Variants in ANK2 observed in about 807,000 individuals in gnomAD.
ANK2 encodes ankyrin-2.
ANK2 carries 83 observed loss-of-function variants against 360.5 expected under a neutral mutation model. The ratio of observed to expected loss-of-function variants is 0.23; its 90% confidence interval spans 0.19 to 0.28. The LOEUF (loss-of-function observed/expected upper bound fraction) is 0.28. ANK2 is among the 10% of genes least tolerant of loss of function. ANK2 has a pLI of 1.00. For synonymous variants in ANK2, 1,740 were observed against 1,759.5 expected (o/e 0.99, Z 0.28); for missense variants, 4,201 against 4,795.7 (o/e 0.88, Z 3.66).
chr4:113,322,392 C>T (rs2086780401), intron 26 of ANK2, among the ~76,000 whole-genome samples: 1 of 152,180 alleles, frequency 6.6e-6, no homozygotes, highest in Admixed American at 6.5e-5. Context: ...TTCACAATGA[C>T]TCTAATCAAC....
the ANK2 span, among the ~76,000 whole-genome samples, chr4:112,711,127 T>C: frequency 2.6e-5 from 4 of 151,120 alleles, no homozygotes; most frequent in South Asian, 8.3e-4. Context: ...TTCTTTCTTT[T>C]TTTTTCTCTT....
At chr4:112,788,609 T>C in the ANK2 span, 1 of 1,597,430 alleles carries the variant, frequency 6.3e-7, no homozygotes, top group Non-Finnish European at 8.5e-7. Context: ...GAGTAGCTGT[T>C]TGGCGGTCCA....
intron 1 of ANK2, among the ~76,000 whole-genome samples, chr4:113,167,781 G>A (rs114573319): frequency 0.013 from 1,996 of 152,154 alleles, 38 homozygotes; most frequent in African/African-American, 0.045. Context: ...GATTGTTTCC[G>A]AAACTACTAC....
intron 26 of ANK2, among the ~76,000 whole-genome samples, chr4:113,326,659 T>C (rs2090121087): frequency 6.6e-6 from 1 of 152,204 alleles, no homozygotes; most frequent in South Asian, 2.1e-4. Context: ...TTGGTTTGTG[T>C]TTCTTCCTTT....
chr4:112,844,235 A>T (rs2062793036), intron 1 of ANK2, among the ~76,000 whole-genome samples: 1 of 152,214 alleles, frequency 6.6e-6, no homozygotes, highest in Non-Finnish European at 1.5e-5. Flanking sequence ...TGGTGTGAAG[A>T]GGGCCTTAGC....
chr4:113,034,900 A>T (rs1161211165), intron 2 of ANK2: 1 of 151,944 alleles, frequency 6.6e-6, no homozygotes, highest in Non-Finnish European at 1.5e-5. Flanking sequence ...TATAATTGAA[A>T]ACTGTTTTGC....
chr4:113,381,504 A>T lies in ANK2; in HGVS notation c.*33A>T. ...ACACAGAAGAGGGCTGTGGTGAAGG[A>T]CCAGCATGGAAAACGCATTGACTTG... On this transcript the variant is annotated 3_prime_UTR_variant, in exon 46 of 46. Coordinates refer to ENST00000357077, the MANE Select transcript of ANK2 (RefSeq NM_001148.6). 1 of 1,614,070 alleles carries T rather than the reference A, an allele frequency of 6.2e-7. No individual in the cohort carries two copies. The highest frequency in any genetic ancestry group is 8.5e-7 in the Non-Finnish European group (1 of 1,179,992).
chr4:113,003,615 A>T (rs1481282411), intron 2 of ANK2, among the ~76,000 whole-genome samples: 1 of 152,256 alleles, frequency 6.6e-6, no homozygotes, highest in African/African-American at 2.4e-5. Context: ...GATCAAGGTG[A>T]CATCCCAAGT....
At chr4:112,836,284 G>T (rs1217162779) in intron 1 of ANK2, among the ~76,000 whole-genome samples, 1 of 152,076 alleles carries the variant, frequency 6.6e-6, no homozygotes, top group Non-Finnish European at 1.5e-5. Context: ...TTCCCCTTCT[G>T]CCATGATTGT....
At chr4:112,793,026 G>A in the ANK2 span, among the ~76,000 whole-genome samples, 6 of 151,658 alleles carry the variant, frequency 4.0e-5, no homozygotes, top group East Asian at 3.9e-4. Context: ...AATTCCTTTC[G>A]ATCCAAAATT....
Position 113,356,693 on chromosome 4 carries a change from C to T in ANK2, c.8075C>T (p.Pro2692Leu). Residue 2692 changes from proline (P) to leucine (L), a missense_variant, in exon 38 of 46, where the codon CCT (proline) becomes CTT (leucine). Physicochemically the swap from Pro to Leu is moderately conservative, Grantham distance 98. Coordinates refer to ENST00000357077, the MANE Select transcript of ANK2 (RefSeq NM_001148.6). ...LPEPVIRVQP[P>L]SPLPSSMDSN... ...GAACCAGTGATTCGAGTACAACCTC[C>T]TTCTCCACTTCCATCAAGCATGGAC... The T allele has an allele frequency of 6.2e-7, 1 of 1,614,098 alleles. No homozygotes were observed. The highest frequency in any genetic ancestry group is 1.3e-5 in the African/African-American group (1 of 75,040).
chr4:113,334,767 GAAAGTTAATAGATTAATTAAT>G, intron 29 of ANK2, among the ~76,000 whole-genome samples: 2 of 99,074 alleles, frequency 2.0e-5, no homozygotes, highest in Admixed American at 1.1e-4. Flanking sequence ...TCTATTACTA[GAAAGTTAATAGATTAATTAAT>G]CTATTACTAG....
intron 4 of ANK2, among the ~76,000 whole-genome samples, chr4:113,229,668 G>T (rs1341173741): frequency 6.6e-6 from 1 of 152,140 alleles, no homozygotes; most frequent in African/African-American, 2.4e-5. Context: ...CAGGGATTCT[G>T]GTAATGGAGG....
chr4:113,080,630 A>T (rs2082028778), intron 1 of ANK2, among the ~76,000 whole-genome samples: 1 of 152,142 alleles, frequency 6.6e-6, no homozygotes, highest in Admixed American at 6.5e-5. Flanking sequence ...ATATATATTA[A>T]ATATAATGTT....
rs796084939 is a variant in ANK2 at position 112,822,259 on chromosome 4, A to AC, written c.-40+3995_-40+3996insC. On this transcript the variant is annotated intron_variant, in intron 1 of 30. Coordinates refer to the ANK2 transcript ENST00000503271. Reference sequence around the variant, plus strand: ...CTACTAAAAAAAAAAAAAAAAAAAAAAAACAAAAATTAGCCGGGCGTGGTG... The same window carrying AC: ...CTACTAAAAAAAAAAAAAAAAAAAAACAAACAAAAATTAGCCGGGCGTGGTG... Among the ~76,000 whole-genome samples, 753 of 123,318 alleles carry AC rather than the reference A, an allele frequency of 6.1e-3. 7 individuals are homozygous for AC. The highest frequency in any genetic ancestry group is 0.01 in the South Asian group (41 of 3,976). The allele number at this position is 123,318 out of a possible 152,430, so 80.9% of individuals were successfully genotyped here. A position where few individuals can be genotyped will look rare whatever the true frequency, so the allele number is the denominator to read the frequency against.
intron 33 of ANK2, among the ~76,000 whole-genome samples, chr4:113,342,585 A>T (rs1005139416): frequency 7.2e-5 from 11 of 152,140 alleles, no homozygotes; most frequent in Admixed American, 6.5e-4. Context: ...CTGTAATCCC[A>T]GCTACTCAGG....
At chr4:113,307,559 C>T (rs536207947) in intron 23 of ANK2, among the ~76,000 whole-genome samples, 2 of 151,914 alleles carry the variant, frequency 1.3e-5, no homozygotes, top group Non-Finnish European at 2.9e-5. Context: ...AGGTGTATGC[C>T]ACCATGCTAA....
chr4:112,945,124 T>C (rs2094467120), intron 2 of ANK2, among the ~76,000 whole-genome samples: 1 of 152,204 alleles, frequency 6.6e-6, no homozygotes, highest in Non-Finnish European at 1.5e-5. Context: ...CTGCTCCACA[T>C]TGTCCTCATT....
At chr4:113,266,630 CACTTT>C (rs2056180454) in intron 14 of ANK2, among the ~76,000 whole-genome samples, 1 of 152,194 alleles carries the variant, frequency 6.6e-6, no homozygotes, top group African/African-American at 2.4e-5. Context: ...GTAATCCCAG[CACTTT>C]GGAAGGCTGA....
Sources: gnomAD v4.1 joint callset for allele counts (sites outside exome capture counted in the v4.1 genomes callset) on GRCh38, gnomAD v4.1.1 for gene constraint, MANE v1.5 for transcripts, NCBI Gene and HGNC (gene_info 2026-07-23, HGNC 2026-07-21) for gene names.